Variants in MTHFD1L observed in about 807,000 individuals in gnomAD.
MTHFD1L encodes the protein methylenetetrahydrofolate dehydrogenase (NADP+ dependent) 1 like.
Under a neutral mutation model 119.5 loss-of-function variants are expected in MTHFD1L, and 81 were observed. The ratio of observed to expected loss-of-function variants is 0.68; its 90% CI spans 0.57 to 0.82. MTHFD1L has a LOEUF of 0.82. Ranked by LOEUF, MTHFD1L falls within the 40% of genes least tolerant of loss-of-function variation. The pLI, the probability that MTHFD1L is intolerant of heterozygous loss-of-function variation, is 0.00. For missense variants in MTHFD1L, 1,125 were observed against 1,253.4 expected, an observed-to-expected ratio of 0.90 and a Z score of 1.55; for synonymous variants, 430 against 475.2, an observed-to-expected ratio of 0.90 and a Z score of 1.24.
intron 20 of MTHFD1L, among the ~76,000 whole-genome samples, chr6:150,994,499 C>T (rs1562509353): frequency 2.6e-5 from 4 of 151,876 alleles, no homozygotes; most frequent in African/African-American, 7.3e-5. Context: ...GAGTTAATCC[C>T]GTCATCTGTG....
chr6:151,090,771 T>C (rs1328950065), intron 26 of MTHFD1L, among the ~76,000 whole-genome samples: 2 of 152,252 alleles, frequency 1.3e-5, no homozygotes, highest in Non-Finnish European at 2.9e-5. Flanking sequence ...TTCTACATGA[T>C]ATGGCATTAA....
At chr6:151,052,193 T>A (rs1789165443) in intron 26 of MTHFD1L, among the ~76,000 whole-genome samples, 1 of 152,236 alleles carries the variant, frequency 6.6e-6, no homozygotes, top group Admixed American at 6.5e-5. Context: ...TTTGACTTCC[T>A]GCCAAGTTGG....
At chr6:151,011,046 C>G (rs1212691172) in intron 21 of MTHFD1L, among the ~76,000 whole-genome samples, 3 of 152,096 alleles carry the variant, frequency 2.0e-5, no homozygotes, top group African/African-American at 7.2e-5. Flanking sequence ...AGCAGAGAGC[C>G]GAGAACTTCA....
chr6:150,963,327 G>C (rs552944982), intron 18 of MTHFD1L, among the ~76,000 whole-genome samples: 1 of 145,420 alleles, frequency 6.9e-6, no homozygotes, highest in African/African-American at 2.6e-5. Flanking sequence ...TAGGAATATA[G>C]TTAGTAATAG....
chr6:150,982,643 A>G (rs1408651520), intron 20 of MTHFD1L, among the ~76,000 whole-genome samples: 2 of 152,036 alleles, frequency 1.3e-5, no homozygotes, highest in East Asian at 1.9e-4. Context: ...ACCAATTTAT[A>G]TCACTACCAA....
chr6:150,882,076 A>T (rs1478357500), intron 4 of MTHFD1L, among the ~76,000 whole-genome samples: 1 of 152,236 alleles, frequency 6.6e-6, no homozygotes, highest in Non-Finnish European at 1.5e-5. Context: ...GAGAGGACAA[A>T]GCATTGCTTA....
intron 8 of MTHFD1L, chr6:150,913,076 T>G (rs1205321069): frequency 6.5e-6 from 1 of 154,424 alleles, no homozygotes; most frequent in Non-Finnish European, 1.4e-5. Flanking sequence ...GTGGCGCAAC[T>G]GCAGGCCCAC....
rs369448762 is a variant in MTHFD1L, at chr6:150,966,111, G to A, written c.2013+1074G>A. 5.2e-4 allele frequency among the ~76,000 whole-genome samples: 79 copies of A among 152,312 alleles called. 2 individuals carry two copies. In the South Asian group the frequency reaches 0.016, roughly 31 times the overall value. Reference sequence around the variant, plus strand: ...TGTTTTGCAATTTCAGACAGCAAGAGCGAGGATCTGGTTAGGAACCTGTAT... The same window carrying A: ...TGTTTTGCAATTTCAGACAGCAAGAACGAGGATCTGGTTAGGAACCTGTAT... On this transcript the variant is annotated intron_variant, in intron 19 of 27. Transcript: ENST00000367321.
chr6:151,064,734 C>G (rs1470418468), intron 26 of MTHFD1L, among the ~76,000 whole-genome samples: 1 of 151,936 alleles, frequency 6.6e-6, no homozygotes, highest in African/African-American at 2.4e-5. Flanking sequence ...TAGCTCATAA[C>G]TTTTCAAGGT....
intron 26 of MTHFD1L, among the ~76,000 whole-genome samples, chr6:151,083,092 G>A (rs542254087): frequency 5.6e-4 from 86 of 152,304 alleles, no homozygotes; most frequent in African/African-American, 2.0e-3. Flanking sequence ...CGACTCACTT[G>A]TCTCATAGTG....
intron 1 of MTHFD1L, among the ~76,000 whole-genome samples, chr6:150,867,388 C>T (rs2128710930): frequency 6.6e-6 from 1 of 152,302 alleles, no homozygotes; most frequent in South Asian, 2.1e-4. Context: ...AGACAGAGCA[C>T]CACTCTGTTA....
At chr6:150,916,290 A>ATTTTTTTTT (rs1176972273) in intron 8 of MTHFD1L, among the ~76,000 whole-genome samples, 1 of 90,532 alleles carries the variant, frequency 1.1e-5, no homozygotes, top group African/African-American at 4.4e-5. Flanking sequence ...GGAAGGTAGA[A>ATTTTTTTTT]TCTTTTTTTT....
chr6:151,082,807 A>G (rs745650295), intron 26 of MTHFD1L, among the ~76,000 whole-genome samples: 1 of 152,154 alleles, frequency 6.6e-6, no homozygotes, highest in Non-Finnish European at 1.5e-5. Context: ...ACCTTTGACA[A>G]TCACAATCAA....
chr6:150,947,997 G>GTTTGTTT (rs564839520), intron 15 of MTHFD1L, among the ~76,000 whole-genome samples: 1,542 of 151,730 alleles, frequency 0.01, 34 homozygotes, highest in African/African-American at 0.036. Context: ...GTTTTTTTTT[G>GTTTGTTT]TTTGTTTTTT....
chr6:151,004,169 C>G (rs1781051479), intron 20 of MTHFD1L, among the ~76,000 whole-genome samples: 1 of 151,854 alleles, frequency 6.6e-6, no homozygotes, highest in Admixed American at 6.6e-5. Flanking sequence ...ATGGTGAAAT[C>G]CTGTCTCTAC....
rs374092932 is a variant in MTHFD1L, at chr6:150,993,392, C to T, written c.2126-16427C>T. ...CTGGAGTGCAGTGATGTGATCTCGG[C>T]GCACCACAGCCTCCTCCTCCCAGGC... On this transcript the variant is annotated intron_variant, in intron 20 of 27. Coordinates refer to ENST00000367321, the MANE Select transcript of MTHFD1L (RefSeq NM_015440.5). Among the ~76,000 whole-genome samples, 20 of 151,858 alleles carry T rather than the reference C, an allele frequency of 1.3e-4. No homozygotes were observed. The East Asian group carries it at 3.9e-3, about 29-fold the overall frequency.
rs552850097 is a variant in MTHFD1L, at chr6:151,022,420, A to G, written c.2586+6727A>G. ...TTCCATTGTGGTAAAAATATGTATA[A>G]CATACAATTTCCCCTTTAATCGCTT... On this transcript the variant is annotated intron_variant, in intron 24 of 27. Coordinates refer to ENST00000367321, the MANE Select transcript of MTHFD1L (RefSeq NM_015440.5). The G allele has an allele frequency of 2.1e-5, 4 of 186,062 alleles. No individual in the cohort carries two copies. The East Asian group carries it at 5.3e-4, about 25-fold the overall frequency. 11.5% of individuals were successfully genotyped at this position (186,062 alleles called of 1,614,324 possible). A position where few individuals can be genotyped will look rare whatever the true frequency, so the allele number is the denominator to read the frequency against.
At chr6:151,017,466 G>C (rs959014474) in intron 24 of MTHFD1L, among the ~76,000 whole-genome samples, 1 of 151,568 alleles carries the variant, frequency 6.6e-6, no homozygotes, top group Non-Finnish European at 1.5e-5. Context: ...CCTGCCTCAG[G>C]CTCCCGAGTA....
At chr6:150,958,610 A>G (rs1795980443) in intron 17 of MTHFD1L, among the ~76,000 whole-genome samples, 1 of 152,208 alleles carries the variant, frequency 6.6e-6, no homozygotes. Context: ...ATTATTACAC[A>G]TTGCATACCT....
Sources: allele counts gnomAD v4.1 joint callset (sites outside exome capture counted in the v4.1 genomes callset), GRCh38; gene constraint gnomAD v4.1.1; transcripts MANE v1.5; gene names NCBI Gene and HGNC (gene_info 2026-07-23, HGNC 2026-07-21).